The following SLC25A26 variants were observed in gnomAD, a reference collection of about 807,000 sequenced individuals.
The protein encoded by SLC25A26 is mitochondrial S-adenosylmethionine carrier protein.
A neutral mutation model predicts 37.8 loss-of-function variants in SLC25A26; 36 were observed. The ratio of observed to expected loss-of-function variants is 0.95; its 90% confidence interval spans 0.73 to 1.26. The LOEUF is 1.26. Ranked by LOEUF, SLC25A26 falls within the 50% of genes most tolerant of loss-of-function variation. The pLI is 0.00. For missense variants in SLC25A26, 390 were observed against 331.1 expected (o/e 1.18, Z -1.38); for synonymous variants, 129 against 122.5 (o/e 1.05, Z -0.35).
At chr3:66,321,224 A>G (rs1039478006) in intron 5 of SLC25A26, among the ~76,000 whole-genome samples, 7 of 152,318 alleles carry the variant, frequency 4.6e-5, no homozygotes, top group African/African-American at 1.7e-4. Flanking sequence ...GTCTGGTGCT[A>G]GGGCTTAGAA....
chr3:66,268,273 A>G (rs906970864), intron 5 of SLC25A26, among the ~76,000 whole-genome samples: 4 of 152,224 alleles, frequency 2.6e-5, no homozygotes, highest in Non-Finnish European at 5.9e-5. Flanking sequence ...ACATACCACA[A>G]GTAGAATTAC....
intron 6 of SLC25A26, among the ~76,000 whole-genome samples, chr3:66,359,699 T>A (rs1227541363): frequency 6.6e-6 from 1 of 152,244 alleles, no homozygotes; most frequent in Admixed American, 6.5e-5. Flanking sequence ...CATTGTCTTG[T>A]TTCTTATTCT....
intron 5 of SLC25A26, among the ~76,000 whole-genome samples, chr3:66,321,558 T>A (rs902779007): frequency 6.6e-6 from 1 of 152,208 alleles, no homozygotes; most frequent in Non-Finnish European, 1.5e-5. Flanking sequence ...CTTTTTAAAG[T>A]TTGTTCAGTT....
At chr3:66,170,798 T>G (rs1301049708) in intron 1 of SLC25A26, among the ~76,000 whole-genome samples, 1 of 121,930 alleles carries the variant, frequency 8.2e-6, no homozygotes, top group Non-Finnish European at 1.7e-5. Flanking sequence ...ATTGTTTTTT[T>G]TTTTTTTTTT....
chr3:66,141,822 T>C (rs1444918421), intron 1 of SLC25A26, among the ~76,000 whole-genome samples: 2 of 152,240 alleles, frequency 1.3e-5, no homozygotes, highest in Admixed American at 1.3e-4. Context: ...CTTGAATGTA[T>C]TCTTTTCTTC....
chr3:66,290,019 G>T (rs1383182579), intron 5 of SLC25A26, among the ~76,000 whole-genome samples: 2 of 152,164 alleles, frequency 1.3e-5, no homozygotes, highest in African/African-American at 2.4e-5. Flanking sequence ...AGTTCTCCTT[G>T]AAGAGGTCCT....
intron 1 of SLC25A26, among the ~76,000 whole-genome samples, chr3:66,172,121 T>A (rs1199971849): frequency 6.6e-6 from 1 of 151,880 alleles, no homozygotes; most frequent in African/African-American, 2.4e-5. Context: ...GATTAAGTTT[T>A]AAAAAAATGT....
At chr3:66,150,585 GAT>G (rs560809353) in intron 1 of SLC25A26, among the ~76,000 whole-genome samples, 5 of 62,182 alleles carry the variant, frequency 8.0e-5, no homozygotes, top group South Asian at 5.6e-4. Flanking sequence ...TATATATCAT[GAT>G]ATATATATGT....
rs1452561836 is a variant in SLC25A26 at position 66,236,791 on chromosome 3, T to C, written c.190+91T>C. ...TCTTACCCCCATAGAATTCCTTGTG[T>C]GTTGAAGCTTATCTTCTGAATTTCC... On this transcript the variant is annotated intron_variant, in intron 2 of 9. Transcript: ENST00000354883. 3 of 943,814 alleles carry C rather than the reference T, an allele frequency of 3.2e-6. No individual in the cohort carries two copies. In the African/African-American group the frequency reaches 5.0e-5, roughly 16 times the overall value. The allele number at this position is 943,814 out of a possible 1,614,324, so 58.5% of individuals were successfully genotyped here.
At chr3:66,285,887 G>A (rs1210007349) in intron 5 of SLC25A26, among the ~76,000 whole-genome samples, 1 of 152,140 alleles carries the variant, frequency 6.6e-6, no homozygotes, top group Non-Finnish European at 1.5e-5. Flanking sequence ...AAATAATGCA[G>A]GGAAGACCAA....
chr3:66,247,066 A>G (rs1456825166), intron 3 of SLC25A26, among the ~76,000 whole-genome samples: 1 of 151,600 alleles, frequency 6.6e-6, no homozygotes, highest in African/African-American at 2.4e-5. Flanking sequence ...GGGTTTCACC[A>G]TGTTAGCCAG....
chr3:66,263,514 T>C (rs2073616852), intron 5 of SLC25A26, 135 bp downstream of exon 5: 2 of 646,204 alleles, frequency 3.1e-6, no homozygotes, highest in Non-Finnish European at 5.5e-6. Context: ...TTATCGTCAC[T>C]CTTCTGTTAA....
rs560487609 is a variant in SLC25A26, at chr3:66,288,519, C to A, written c.453+25140C>A. ...AGGCCCCAGTGTGTGATGTTCCCCTCCCTGTGTCAATGTGTTCTCATTGTT... is the reference window on the plus strand; with the variant it reads ...AGGCCCCAGTGTGTGATGTTCCCCTACCTGTGTCAATGTGTTCTCATTGTT... On this transcript the variant is annotated intron_variant, in intron 5 of 9. Transcript: ENST00000354883. Among the ~76,000 whole-genome samples, 23 of 152,146 alleles carry A rather than the reference C, an allele frequency of 1.5e-4. No homozygotes were observed. The South Asian group carries it at 2.9e-3, about 19-fold the overall frequency.
At chr3:66,138,431 A>C (rs1053967684) in intron 1 of SLC25A26, among the ~76,000 whole-genome samples, 22 of 152,214 alleles carry the variant, frequency 1.4e-4, no homozygotes, top group African/African-American at 5.3e-4. Context: ...ATCCTAGTAC[A>C]CATGCAATTT....
chr3:66,241,687 T>C (rs961293961), intron 2 of SLC25A26, among the ~76,000 whole-genome samples: 40 of 152,290 alleles, frequency 2.6e-4, no homozygotes, highest in African/African-American at 9.4e-4. Context: ...ATTGGACTTT[T>C]GTGTGTGGTG....
At chr3:66,218,630 C>CT (rs2071396311), upstream of SLC25A26, among the ~76,000 whole-genome samples, 1 of 152,180 alleles carries the variant, frequency 6.6e-6, no homozygotes, top group African/African-American at 2.4e-5. Flanking sequence ...AAACAATAGA[C>CT]TATTGCTGGA....
intron 3 of SLC25A26, among the ~76,000 whole-genome samples, chr3:66,251,600 C>A (rs190253626): frequency 1.3e-5 from 2 of 152,112 alleles, no homozygotes; most frequent in African/African-American, 4.8e-5. Flanking sequence ...AGGGTCAGAA[C>A]GGGAGGGTCA....
chr3:66,134,211 G>C (rs938206025), intron 1 of SLC25A26, among the ~76,000 whole-genome samples: 1 of 152,130 alleles, frequency 6.6e-6, no homozygotes, highest in Admixed American at 6.5e-5. Flanking sequence ...GATAACCTTT[G>C]ACACTTTATT....
chr3:66,340,274 T>C (rs1481720234), intron 5 of SLC25A26, among the ~76,000 whole-genome samples: 2 of 152,230 alleles, frequency 1.3e-5, no homozygotes, highest in Non-Finnish European at 2.9e-5. Flanking sequence ...TCAGAAAGTA[T>C]GAGACCTCCA....
Sources: allele counts gnomAD v4.1 joint callset (sites outside exome capture counted in the v4.1 genomes callset), GRCh38; gene constraint gnomAD v4.1.1; transcripts MANE v1.5; gene names NCBI Gene and HGNC (gene_info 2026-07-23, HGNC 2026-07-21).